Variants in BTBD9 observed in about 807,000 individuals in gnomAD.
The protein encoded by BTBD9 is BTB/POZ domain-containing protein 9.
In BTBD9, 49 loss-of-function variants were observed where a neutral mutation model predicts 64.3. That is an observed-to-expected ratio of 0.76 (90% CI 0.61 to 0.97). The LOEUF (loss-of-function observed/expected upper bound fraction) is 0.97. BTBD9 is among the 50% of genes least tolerant of loss of function. The pLI, the probability that BTBD9 is intolerant of heterozygous loss-of-function variation, is 0.00. For synonymous variants in BTBD9, 260 were observed against 274.7 expected (o/e 0.95, Z 0.53); for missense variants, 598 against 762.1 (o/e 0.78, Z 2.53).
At chr6:38,574,626 T>C (rs1398033792) in intron 6 of BTBD9, among the ~76,000 whole-genome samples, 1 of 152,216 alleles carries the variant, frequency 6.6e-6, no homozygotes, top group Non-Finnish European at 1.5e-5. Context: ...CTGCCAGAAC[T>C]GTGCTCTGTA....
chr6:38,484,308 T>C (rs760791491), intron 6 of BTBD9, among the ~76,000 whole-genome samples: 23 of 152,180 alleles, frequency 1.5e-4, no homozygotes, highest in Non-Finnish European at 3.1e-4. Flanking sequence ...CTAATGAGGA[T>C]TAAATAAAAA....
intron 6 of BTBD9, among the ~76,000 whole-genome samples, chr6:38,481,169 G>A (rs972640317): frequency 6.6e-6 from 1 of 152,192 alleles, no homozygotes; most frequent in Non-Finnish European, 1.5e-5. Flanking sequence ...AAAGAAGAGA[G>A]AAGAATGGCA....
intron 9 of BTBD9, among the ~76,000 whole-genome samples, chr6:38,238,753 G>A (rs921025965): frequency 3.9e-5 from 6 of 152,032 alleles, no homozygotes; most frequent in Non-Finnish European, 5.9e-5. Context: ...GATTACAGGC[G>A]TGAGCCACCG....
intron 6 of BTBD9, among the ~76,000 whole-genome samples, chr6:38,426,787 T>G (rs1358869226): frequency 1.3e-5 from 2 of 151,848 alleles, no homozygotes; most frequent in Non-Finnish European, 2.9e-5. Context: ...GGCCCAAGAT[T>G]CCATTTCTTG....
intron 6 of BTBD9, among the ~76,000 whole-genome samples, chr6:38,373,874 AT>A (rs756283826): frequency 4.6e-5 from 7 of 152,186 alleles, no homozygotes; most frequent in African/African-American, 7.2e-5. Flanking sequence ...AAAAGTTTAT[AT>A]CATTAAAAAT....
chr6:38,569,475 AAT>A (rs1023217438), intron 6 of BTBD9, among the ~76,000 whole-genome samples: 11 of 152,186 alleles, frequency 7.2e-5, no homozygotes, highest in African/African-American at 2.7e-4. Context: ...AGCAGAGGCA[AAT>A]ATAGTTTTTG....
At chr6:38,219,300 A>AG (rs1763122960) in intron 9 of BTBD9, among the ~76,000 whole-genome samples, 1 of 72,174 alleles carries the variant, frequency 1.4e-5, no homozygotes, top group Non-Finnish European at 3.2e-5. Context: ...ACACCCAGCT[A>AG]ATTTTTTTTT....
chr6:38,291,756 G>T (rs889454584), intron 7 of BTBD9, among the ~76,000 whole-genome samples: 3 of 152,118 alleles, frequency 2.0e-5, no homozygotes, highest in Non-Finnish European at 4.4e-5. Context: ...ATAATCATGT[G>T]TTTTTTGTCA....
intron 1 of BTBD9, among the ~76,000 whole-genome samples, chr6:38,633,020 T>C (rs1778413809): frequency 6.6e-6 from 1 of 152,006 alleles, no homozygotes; most frequent in Non-Finnish European, 1.5e-5. Flanking sequence ...ATAACTGGGG[T>C]CAAATACAGC....
chr6:38,259,624 G>A (rs1764722285), intron 8 of BTBD9, among the ~76,000 whole-genome samples: 1 of 152,120 alleles, frequency 6.6e-6, no homozygotes, highest in South Asian at 2.1e-4. Flanking sequence ...TCACTGTGTT[G>A]GCCAGGCGGG....
chr6:38,237,215 T>C (rs1019449119), intron 9 of BTBD9, among the ~76,000 whole-genome samples: 1 of 152,198 alleles, frequency 6.6e-6, no homozygotes, highest in African/African-American at 2.4e-5. Context: ...TGGAGAGTCT[T>C]TTTGAGGTGT....
intron 4 of BTBD9, among the ~76,000 whole-genome samples, chr6:38,583,489 G>C (rs1776381936): frequency 6.6e-6 from 1 of 152,110 alleles, no homozygotes; most frequent in Admixed American, 6.5e-5. Context: ...ATAGAGCCAA[G>C]ACTCTATCTC....
chr6:38,582,063 A>AT (rs1776311075), intron 4 of BTBD9, among the ~76,000 whole-genome samples: 1 of 152,180 alleles, frequency 6.6e-6, no homozygotes, highest in Non-Finnish European at 1.5e-5. Flanking sequence ...TTCTGGAAAA[A>AT]TTTTTTTTAA....
intron 6 of BTBD9, among the ~76,000 whole-genome samples, chr6:38,397,912 T>C (rs1337315063): frequency 1.3e-5 from 2 of 152,220 alleles, no homozygotes; most frequent in African/African-American, 2.4e-5. Context: ...CAGAGAGTTA[T>C]AAATAGCCTG....
At chr6:38,476,539 G>C (rs552082283) in intron 6 of BTBD9, among the ~76,000 whole-genome samples, 11 of 152,330 alleles carry the variant, frequency 7.2e-5, no homozygotes, top group Admixed American at 5.9e-4. Context: ...TTTGAATCCT[G>C]CTTTGCTCTG....
At chr6:38,198,601 A>G (rs1452828084) in intron 9 of BTBD9, among the ~76,000 whole-genome samples, 2 of 152,212 alleles carry the variant, frequency 1.3e-5, no homozygotes, top group African/African-American at 4.8e-5. Context: ...ATGTGACTCT[A>G]CTGCACATAC....
At chr6:38,187,973 T>A (rs769806935) in intron 10 of BTBD9, among the ~76,000 whole-genome samples, 9 of 152,254 alleles carry the variant, frequency 5.9e-5, no homozygotes, top group Non-Finnish European at 1.5e-5. Flanking sequence ...GCTGGACGGA[T>A]CGGAGGGAAG....
intron 9 of BTBD9, among the ~76,000 whole-genome samples, chr6:38,243,063 G>A (rs1004617760): frequency 6.6e-6 from 1 of 151,426 alleles, no homozygotes; most frequent in Non-Finnish European, 1.5e-5. Flanking sequence ...TGAATAGGTG[G>A]AGACTTGAAG....
intron 6 of BTBD9, among the ~76,000 whole-genome samples, chr6:38,391,329 C>T (rs1766403125): frequency 1.3e-5 from 2 of 152,298 alleles, no homozygotes; most frequent in East Asian, 1.9e-4. Flanking sequence ...ATCAGAGCTG[C>T]TCTGGAAAAT....
Sources: gnomAD v4.1 joint callset for allele counts (sites outside exome capture counted in the v4.1 genomes callset) on GRCh38, gnomAD v4.1.1 for gene constraint, MANE v1.5 for transcripts, NCBI Gene and HGNC (gene_info 2026-07-23, HGNC 2026-07-21) for gene names.